GRID1: variants seen among roughly 807,000 people sequenced by gnomAD.
GRID1 encodes the protein glutamate receptor ionotropic, delta-1.
GRID1 carries 28 observed loss-of-function variants against 98.0 expected under a neutral mutation model. That is an observed-to-expected ratio of 0.29 (90% CI 0.21 to 0.39). GRID1 has a LOEUF of 0.39. Among genes scored for constraint, GRID1 ranks in the 10% least tolerant of loss-of-function variants. The pLI, the probability that GRID1 is intolerant of heterozygous loss-of-function variation, is 1.00. For synonymous variants in GRID1, 553 were observed against 538.5 expected (o/e 1.03, Z -0.37); for missense variants, 1,111 against 1,340.5 (o/e 0.83, Z 2.67).
intron 4 of GRID1, among the ~76,000 whole-genome samples, chr10:86,099,717 G>A (rs1401879797): frequency 4.6e-5 from 7 of 152,180 alleles, no homozygotes; most frequent in African/African-American, 1.4e-4. Flanking sequence ...GAGCATGTGT[G>A]TCTGTGATCT....
At chr10:86,175,102 C>T (rs1215263492) in intron 3 of GRID1, among the ~76,000 whole-genome samples, 1 of 152,172 alleles carries the variant, frequency 6.6e-6, no homozygotes, top group African/African-American at 2.4e-5. Flanking sequence ...CAGTATTCCA[C>T]AGGATCTTTG....
chr10:86,036,280 T>C (rs1843260207), intron 4 of GRID1, among the ~76,000 whole-genome samples: 1 of 152,142 alleles, frequency 6.6e-6, no homozygotes, highest in African/African-American at 2.4e-5. Flanking sequence ...TGTCCTGGGA[T>C]TTCTGGCCTT....
chr10:85,616,261 A>G (rs563206722), intron 14 of GRID1, among the ~76,000 whole-genome samples: 5 of 152,208 alleles, frequency 3.3e-5, no homozygotes, highest in African/African-American at 9.6e-5. Flanking sequence ...TATTATGTCT[A>G]TTTTACATCT....
At chr10:85,608,660 G>A (rs58198058) in intron 15 of GRID1, among the ~76,000 whole-genome samples, 1 of 152,124 alleles carries the variant, frequency 6.6e-6, no homozygotes, top group Non-Finnish European at 1.5e-5. Flanking sequence ...GCAATGCAGA[G>A]GTGAGGAGGC....
chr10:85,700,751 A>G (rs1037531704), intron 12 of GRID1, among the ~76,000 whole-genome samples: 1 of 152,152 alleles, frequency 6.6e-6, no homozygotes. Flanking sequence ...CCCAAAGAAA[A>G]AGGTAAAAAT....
At chr10:85,757,274 T>G (rs1368978271) in intron 8 of GRID1, among the ~76,000 whole-genome samples, 1 of 152,182 alleles carries the variant, frequency 6.6e-6, no homozygotes, top group African/African-American at 2.4e-5. Context: ...TATCTGTGGA[T>G]GAGAAGGAAA....
chr10:86,002,959 G>A (rs1174891899), intron 4 of GRID1, among the ~76,000 whole-genome samples: 2 of 152,188 alleles, frequency 1.3e-5, no homozygotes, highest in Non-Finnish European at 2.9e-5. Flanking sequence ...CAAGATCTTA[G>A]GGTTGGCCCT....
At chr10:86,023,095 G>A (rs1316706388) in intron 4 of GRID1, among the ~76,000 whole-genome samples, 1 of 151,998 alleles carries the variant, frequency 6.6e-6, no homozygotes, top group African/African-American at 2.4e-5. Context: ...GTGCTTGGAG[G>A]TCCCTGTAAC....
intron 4 of GRID1, among the ~76,000 whole-genome samples, chr10:86,030,782 A>G (rs1292409443): frequency 1.3e-5 from 2 of 152,184 alleles, no homozygotes; most frequent in African/African-American, 4.8e-5. Context: ...GGCAGCTCCA[A>G]ATCATTTTCT....
chr10:86,223,777 C>T (rs1229010693), intron 2 of GRID1, among the ~76,000 whole-genome samples: 2 of 152,232 alleles, frequency 1.3e-5, no homozygotes, highest in Non-Finnish European at 2.9e-5. Flanking sequence ...CAACTGCATG[C>T]TGTGTCTATC....
intron 4 of GRID1, among the ~76,000 whole-genome samples, chr10:86,066,876 TG>T (rs112623788): frequency 2.6e-5 from 4 of 152,192 alleles, no homozygotes; most frequent in African/African-American, 9.6e-5. Flanking sequence ...CCAGAACGCT[TG>T]GTAGGGGCCG....
intron 3 of GRID1, among the ~76,000 whole-genome samples, chr10:86,152,378 G>C (rs1161719459): frequency 6.6e-6 from 1 of 152,214 alleles, no homozygotes; most frequent in African/African-American, 2.4e-5. Flanking sequence ...CTAGGGCCCA[G>C]CCATGCCAAG....
chr10:85,727,532 G>A (rs528321321), intron 10 of GRID1, among the ~76,000 whole-genome samples: 5 of 152,276 alleles, frequency 3.3e-5, no homozygotes, highest in South Asian at 2.1e-4. Flanking sequence ...CCCCTGGTGG[G>A]AACTAGGTTT....
intron 12 of GRID1, among the ~76,000 whole-genome samples, chr10:85,684,231 T>C (rs2132601314): frequency 6.6e-6 from 1 of 152,344 alleles, no homozygotes; most frequent in Non-Finnish European, 1.5e-5. Flanking sequence ...TAGACTAACT[T>C]GACAAATATA....
intron 8 of GRID1, among the ~76,000 whole-genome samples, chr10:85,762,335 A>T (rs906939260): frequency 1.3e-5 from 2 of 152,356 alleles, no homozygotes; most frequent in East Asian, 1.9e-4. Flanking sequence ...AAATTTCTGG[A>T]TCTAAATGAG....
intron 4 of GRID1, among the ~76,000 whole-genome samples, chr10:86,050,608 T>C (rs892011540): frequency 1.3e-5 from 2 of 152,054 alleles, no homozygotes; most frequent in African/African-American, 2.4e-5. Context: ...GATAGCAAGA[T>C]AAAATACCTA....
chr10:86,236,300 T>C (rs1307932323), intron 2 of GRID1, among the ~76,000 whole-genome samples: 3 of 152,386 alleles, frequency 2.0e-5, no homozygotes, highest in Admixed American at 6.5e-5. Flanking sequence ...TTATAAAATA[T>C]GTGATTTGCA....
intron 3 of GRID1, among the ~76,000 whole-genome samples, chr10:86,143,863 CTGCAAGGAA>C: frequency 6.6e-6 from 1 of 152,352 alleles, no homozygotes; most frequent in South Asian, 2.1e-4. Flanking sequence ...CAGTCCACTC[CTGCAAGGAA>C]TGCAAGGTGA....
intron 5 of GRID1, among the ~76,000 whole-genome samples, chr10:85,887,550 G>T (rs374338240): frequency 2.6e-5 from 4 of 152,246 alleles, no homozygotes; most frequent in East Asian, 3.9e-4. Context: ...ATCAGAATCT[G>T]CATTTTAACA....
Sources: allele counts gnomAD v4.1 joint callset (sites outside exome capture counted in the v4.1 genomes callset), GRCh38; gene constraint gnomAD v4.1.1; transcripts MANE v1.5; gene names NCBI Gene and HGNC (gene_info 2026-07-23, HGNC 2026-07-21).